The following RANBP2 variants were observed in gnomAD, a reference collection of about 807,000 sequenced individuals.
RANBP2 encodes RAN binding protein 2.
In RANBP2, 57 loss-of-function variants were observed where a neutral mutation model predicts 303.6. That is an observed-to-expected ratio of 0.19 (90% CI 0.15 to 0.23). The LOEUF (loss-of-function observed/expected upper bound fraction) is 0.23, where lower values mean the gene tolerates loss of function less well. RANBP2 is among the 10% of genes least tolerant of loss of function. RANBP2 has a pLI of 1.00. For synonymous variants in RANBP2, 1,167 were observed against 1,301.5 expected (o/e 0.90, Z 2.23); for missense variants, 3,138 against 3,780.8 (o/e 0.83, Z 4.46).
the RANBP2 span, among the ~76,000 whole-genome samples, chr2:109,428,960 C>G: frequency 6.6e-6 from 1 of 152,196 alleles, no homozygotes; most frequent in Non-Finnish European, 1.5e-5. Context: ...TGGCTCGCCA[C>G]TGAGTGCAGG....
At chr2:109,379,264 G>A in the RANBP2 span, among the ~76,000 whole-genome samples, 1 of 152,190 alleles carries the variant, frequency 6.6e-6, no homozygotes, top group Non-Finnish European at 1.5e-5. Flanking sequence ...AGGGTCAGAG[G>A]TTCCCCAGGG....
the RANBP2 span, among the ~76,000 whole-genome samples, chr2:109,123,980 TTTTATTTATTTA>T: frequency 0.024 from 3,512 of 147,576 alleles, 71 homozygotes; most frequent in African/African-American, 0.046. Flanking sequence ...TTCTTTTCAG[TTTTATTTATTTA>T]TTTATTTATT....
the RANBP2 span, among the ~76,000 whole-genome samples, chr2:109,156,487 C>G: frequency 6.6e-6 from 1 of 151,010 alleles, no homozygotes; most frequent in Non-Finnish European, 1.5e-5. Flanking sequence ...CTCTTGTTGT[C>G]CAGGCTGGAG....
chr2:109,366,245 C>T, the RANBP2 span, among the ~76,000 whole-genome samples: 1 of 152,132 alleles, frequency 6.6e-6, no homozygotes, highest in South Asian at 2.1e-4. Flanking sequence ...GGGCACCATG[C>T]AAATGGGTTT....
In RANBP2 at chr2:108,719,640, A is replaced by G. The variant is rs763172580; in HGVS notation, c.34A>G (p.Ile12Val). ...RRSKADVERY[I>V]ASVQGSTPSP... Reference sequence around the variant, plus strand: ...CAGCAAGGCTGACGTGGAGCGGTACATCGCCTCGGTGCAGGGCTCCACCCC... The same window carrying G: ...CAGCAAGGCTGACGTGGAGCGGTACGTCGCCTCGGTGCAGGGCTCCACCCC... Residue 12 changes from isoleucine (I) to valine (V), a missense_variant, in exon 1 of 29, where the codon ATC becomes GTC. Coordinates refer to ENST00000283195, the MANE Select transcript of RANBP2 (RefSeq NM_006267.5). The G allele has an allele frequency of 3.7e-6, 6 of 1,608,306 alleles. No individual in the cohort carries two copies. The highest frequency in any genetic ancestry group is 5.1e-6 in the Non-Finnish European group (6 of 1,178,442).
chr2:109,282,398 G>A, the RANBP2 span, among the ~76,000 whole-genome samples: 1 of 152,256 alleles, frequency 6.6e-6, no homozygotes, highest in Non-Finnish European at 1.5e-5. Context: ...CCAAAACATG[G>A]GTGTGAAGTA....
the RANBP2 span, among the ~76,000 whole-genome samples, chr2:109,517,307 C>T: frequency 1.3e-5 from 2 of 152,158 alleles, no homozygotes; most frequent in African/African-American, 4.8e-5. Context: ...CCCTCTTTAT[C>T]CCCGGACTGT....
the RANBP2 span, among the ~76,000 whole-genome samples, chr2:109,008,458 C>T: frequency 6.6e-6 from 1 of 152,088 alleles, no homozygotes; most frequent in Non-Finnish European, 1.5e-5. Context: ...TTAACAGAAA[C>T]AATTTTGCCC....
In RANBP2 at chr2:108,763,426, AATT is replaced by A; in HGVS notation, c.2889_2891del (p.Tyr964del). On this transcript the variant is annotated inframe_deletion, in exon 20 of 29. Coordinates refer to ENST00000283195, the MANE Select transcript of RANBP2 (RefSeq NM_006267.5). ...ATCGCCCAGGGGTGATGATTACTTT[AATT>A]ACAATGTTCAACAGACAAGCACAAA... The A allele has an allele frequency of 6.2e-7, 1 of 1,613,992 alleles. No homozygotes were observed. The highest frequency in any genetic ancestry group is 1.3e-5 in the African/African-American group (1 of 75,004).
chr2:109,531,142 G>A, the RANBP2 span, among the ~76,000 whole-genome samples: 2 of 152,308 alleles, frequency 1.3e-5, no homozygotes, highest in South Asian at 4.1e-4. Context: ...CCTTCACCCA[G>A]GATCTTTGAG....
the RANBP2 span, among the ~76,000 whole-genome samples, chr2:109,729,410 G>C: frequency 6.6e-6 from 1 of 152,176 alleles, no homozygotes; most frequent in East Asian, 1.9e-4. Context: ...ACTTTGGGAG[G>C]CTGAGGCGGG....
the RANBP2 span, among the ~76,000 whole-genome samples, chr2:109,170,247 CTCTTCTCTTCTCTTCT>C: frequency 1.8e-4 from 1 of 5,586 alleles, no homozygotes. Context: ...CTTTTCTTTT[CTCTTCTCTTCTCTTCT>C]CTTCTCTTCT....
the RANBP2 span, among the ~76,000 whole-genome samples, chr2:109,721,960 TA>T: frequency 6.6e-6 from 1 of 152,206 alleles, no homozygotes; most frequent in Non-Finnish European, 1.5e-5. Context: ...CTGGCTCATT[TA>T]GGGATTTAGG....
In RANBP2 at chr2:108,746,621, C is replaced by CA. The variant is rs1417579589; in HGVS notation, c.976-83dup. ...TAATGGTTAACTGTTTATTCATTAT[C>CA]AAAAAAAGTACAGTGTAATAGATAA... is the stretch of plus-strand genomic sequence containing the variant. On this transcript the variant is annotated intron_variant, in intron 7 of 28. Transcript: ENST00000283195. 1.3e-5 allele frequency: 13 copies of CA among 988,390 alleles called. No individual in the cohort carries two copies. The Admixed American group carries it at 1.6e-4, about 12-fold the overall frequency. 61.2% of individuals were successfully genotyped at this position (988,390 alleles called of 1,614,324 possible). A position where few individuals can be genotyped will look rare whatever the true frequency, so the allele number is the denominator to read the frequency against.
At chr2:109,142,041 C>G in the RANBP2 span, among the ~76,000 whole-genome samples, 22 of 115,700 alleles carry the variant, frequency 1.9e-4, no homozygotes, top group Admixed American at 1.7e-3. Flanking sequence ...CCTTGAGTCT[C>G]CTGGGGGGGG....
the RANBP2 span, among the ~76,000 whole-genome samples, chr2:108,817,560 G>C: frequency 6.6e-6 from 1 of 152,090 alleles, no homozygotes; most frequent in African/African-American, 2.4e-5. Flanking sequence ...CAAAGTGCTG[G>C]GATTACAGGC....
chr2:109,541,734 T>C, the RANBP2 span, among the ~76,000 whole-genome samples: 1 of 152,238 alleles, frequency 6.6e-6, no homozygotes, highest in Admixed American at 6.5e-5. Context: ...CTGGATAAAC[T>C]GCTCCAGTCC....
the RANBP2 span, among the ~76,000 whole-genome samples, chr2:108,936,479 CG>C: frequency 0.83 from 125,778 of 151,990 alleles, 54,355 homozygotes; most frequent in Middle Eastern, 0.92. Context: ...GAGCTGGCTG[CG>C]GGCTCCCTGC....
chr2:108,888,994 T>C, the RANBP2 span, among the ~76,000 whole-genome samples: 1 of 152,068 alleles, frequency 6.6e-6, no homozygotes, highest in Non-Finnish European at 1.5e-5. Flanking sequence ...TTTTGCTTTA[T>C]TGTTTCTTCA....
Sources: gnomAD v4.1 joint callset for allele counts (sites outside exome capture counted in the v4.1 genomes callset) on GRCh38, gnomAD v4.1.1 for gene constraint, MANE v1.5 for transcripts, NCBI Gene and HGNC (gene_info 2026-07-23, HGNC 2026-07-21) for gene names.